The following ECE2 variants were observed in gnomAD, a reference collection of about 807,000 sequenced individuals.
ECE2 encodes endothelin-converting enzyme 2.
In ECE2, 81 loss-of-function variants were observed where a neutral mutation model predicts 100.6. The observed-to-expected ratio is 0.81, with a 90% CI of 0.67 to 0.97. ECE2 has a LOEUF of 0.97. Ranked by LOEUF, ECE2 falls within the 50% of genes least tolerant of loss-of-function variation. The pLI, the probability that ECE2 is intolerant of heterozygous loss-of-function variation, is 0.00. For missense variants in ECE2, 911 were observed against 988.1 expected (o/e 0.92, Z 1.05); for synonymous variants, 391 against 391.5 (o/e 1.00, Z 0.02).
At chr3:184,287,401 T>C (rs1721104308) in intron 10 of ECE2, among the ~76,000 whole-genome samples, 1 of 150,514 alleles carries the variant, frequency 6.6e-6, no homozygotes, top group African/African-American at 2.4e-5. Context: ...GGATATAAAA[T>C]TAGTTGTGGG....
At position 184,289,358 on chromosome 3, in the gene ECE2, A is replaced by G; in HGVS notation, c.1375-79A>G. 1 of 1,330,118 alleles carries G rather than the reference A, an allele frequency of 7.5e-7. No individual in the cohort carries two copies. The highest frequency in any genetic ancestry group is 1.5e-5 in the African/African-American group (1 of 68,666). 82.4% of individuals were successfully genotyped at this position (1,330,118 alleles called of 1,614,324 possible). On this transcript the variant is annotated intron_variant, in intron 11 of 18. Coordinates refer to ENST00000404464, the MANE Select transcript of ECE2 (RefSeq NM_001100121.2). The surrounding 1 kb of genome is among the most constrained non-coding windows in gnomAD (Gnocchi z 4.1). Reference sequence around the variant, plus strand: ...TCCCATTTCCCCTGGGTGGACAGGGATGGGGCACCAAGGGTGGATGGGTGG... The same window carrying G: ...TCCCATTTCCCCTGGGTGGACAGGGGTGGGGCACCAAGGGTGGATGGGTGG...
At chr3:184,285,671 T>A (rs1357583841) in intron 10 of ECE2, 79 bp downstream of exon 10, 6 of 1,045,290 alleles carry the variant, frequency 5.7e-6, no homozygotes, top group African/African-American at 1.6e-5. Flanking sequence ...AGGCACCATG[T>A]GCCTCATGGT....
Position 184,278,181 on chromosome 3 carries a change from C to T in ECE2, c.618C>T (p.Asn206=). The stretch of plus-strand genomic sequence containing the variant: ...TCTCTACATAGATTGGTGGTTGGAA[C>T]ATTACGGGGCCCTGGGACCAGGACA... ...RDLIEKIGGW[N]ITGPWDQDNF... Residue 206 remains asparagine (N), a synonymous_variant, in exon 6 of 19, where the codon AAC becomes AAT. Coordinates refer to ENST00000404464, the MANE Select transcript of ECE2 (RefSeq NM_001100121.2). The T allele has an allele frequency of 6.2e-7, 1 of 1,614,136 alleles. No individual in the cohort carries two copies. Among genetic ancestry groups the T allele is most frequent in the Non-Finnish European group, 8.5e-7 (1 of 1,180,014 alleles).
In ECE2 at chr3:184,278,220, G is replaced by A. The variant is rs1577134416; in HGVS notation, c.657G>A (p.Val219=). ...GPWDQDNFME[V]LKAVAGTYRA... Reference sequence around the variant, plus strand: ...GGGACCAGGACAACTTTATGGAGGTGTTGAAGGCAGTAGCAGGGACCTACA... The same window carrying A: ...GGGACCAGGACAACTTTATGGAGGTATTGAAGGCAGTAGCAGGGACCTACA... The change falls in exon 6 of 19, where the codon GTG becomes GTA. Residue 219 remains valine, a synonymous_variant. Coordinates refer to ENST00000404464, the MANE Select transcript of ECE2 (RefSeq NM_001100121.2). 2.5e-6 allele frequency: 4 copies of A among 1,614,184 alleles called. No homozygotes were observed. In the Admixed American group the frequency reaches 6.7e-5, roughly 27 times the overall value.
chr3:184,281,344 C>A (rs1377115454), intron 7 of ECE2, among the ~76,000 whole-genome samples: 2 of 152,200 alleles, frequency 1.3e-5, no homozygotes. Flanking sequence ...TGACCAGGAA[C>A]CTGCCTAGTT....
rs1464864740 is a variant in ECE2 at position 184,277,359 on chromosome 3, C to T, written c.371C>T (p.Ser124Phe). 6.2e-7 allele frequency: 1 copy of T among 1,614,244 alleles called. No individual in the cohort carries two copies. The highest frequency in any genetic ancestry group is 2.2e-5 in the East Asian group (1 of 44,878). ...CCCTGTGAGGACTTTTACCAGTTCT[C>T]CTGTGGGGGCTGGATTCGGAGGAAC... ...VSPCEDFYQF[S>F]CGGWIRRNPL... Residue 124 changes from serine (S) to phenylalanine (F), a missense_variant, in exon 4 of 19, where the codon TCC becomes TTC. Coordinates refer to ENST00000404464, the MANE Select transcript of ECE2 (RefSeq NM_001100121.2).
At chr3:184,281,960 G>A (rs1311776674) in intron 7 of ECE2, among the ~76,000 whole-genome samples, 4 of 152,174 alleles carry the variant, frequency 2.6e-5, no homozygotes, top group African/African-American at 4.8e-5. Flanking sequence ...TTAGCCATGC[G>A]TGGTGGCCCG....
chr3:184,284,983 C>G lies in ECE2; in HGVS notation c.1026C>G (p.Asp342Glu). The G allele has an allele frequency of 6.2e-7, 1 of 1,614,068 alleles. No individual in the cohort carries two copies. The stretch of plus-strand genomic sequence containing the variant: ...TTCAGGCTCTGGCGCCCTCCATGGA[C>G]TGGCTTGAGTTCCTGTCTTTCTTGC... ...SELQALAPSM[D>E]WLEFLSFLLS... The change falls in exon 9 of 19, where the codon GAC (aspartate) becomes GAG (glutamate). Residue 342 changes from aspartate (D) to glutamate (E), a missense_variant. Asp to Glu is a conservative substitution (Grantham distance 45, BLOSUM62 2). Transcript: ENST00000404464.
At position 184,291,623 on chromosome 3, in the gene ECE2, G is replaced by T; in HGVS notation, c.2121+184G>T. ...CGGCCAGCCAGGGCCCACAAAGGCA[G>T]CCTGAAGAGGCCTGAGCGGGAGAAT... On this transcript the variant is annotated intron_variant, in intron 18 of 18. Transcript: ENST00000404464. This position sits in a 1 kb window ranked among gnomAD's most constrained non-coding sequence, Gnocchi z 4.1. The T allele has an allele frequency of 1.8e-6, 1 of 570,192 alleles. No individual in the cohort carries two copies. The allele number at this position is 570,192 out of a possible 1,614,324, so 35.3% of individuals were successfully genotyped here. A position where few individuals can be genotyped will look rare whatever the true frequency, so the allele number is the denominator to read the frequency against.
chr3:184,277,536 A>G (rs1720621084), intron 4 of ECE2, 70 bp downstream of exon 4: 27 of 1,514,740 alleles, frequency 1.8e-5, no homozygotes, highest in Non-Finnish European at 2.4e-5. Context: ...CCTGGCACTT[A>G]GCAAATAGGC....
At chr3:184,277,514 C>T in intron 4 of ECE2, 48 bp downstream of exon 4, 7 of 1,592,958 alleles carry the variant, frequency 4.4e-6, no homozygotes, top group Non-Finnish European at 6.0e-6. Flanking sequence ...GTGCCTTGTG[C>T]CCAGCACAGG....
At chr3:184,283,633 T>G in intron 7 of ECE2, 152 bp from the exon 8 acceptor site, 1 of 546,118 alleles carries the variant, frequency 1.8e-6, no homozygotes, top group Non-Finnish European at 3.1e-6. Flanking sequence ...CCAATGGAGG[T>G]AAGCAGTGTG....
Position 184,289,537 on chromosome 3 carries a change from T to C in ECE2, c.1473+2T>C. On this transcript the variant is annotated splice_donor_variant, in intron 12 of 18. Coordinates refer to ENST00000404464, the MANE Select transcript of ECE2 (RefSeq NM_001100121.2). LOFTEE classifies it high-confidence loss of function. This position sits in a 1 kb window ranked among gnomAD's most constrained non-coding sequence, Gnocchi z 4.1. ...ACCCGCCAGGCAGCCAAGGAGAAAG[T>C]GAGCGGTGGCTAGGGTTGGGGCGCC... The C allele has an allele frequency of 1.2e-6, 2 of 1,613,386 alleles. No individual in the cohort carries two copies. Among genetic ancestry groups the C allele is most frequent in the Non-Finnish European group, 1.7e-6 (2 of 1,179,676 alleles).
chr3:184,276,320 G>A (rs1720545979), intron 1 of ECE2, 128 bp downstream of exon 1: 1 of 1,373,110 alleles, frequency 7.3e-7, no homozygotes, highest in Non-Finnish European at 9.8e-7. Context: ...CCTGGTGGAG[G>A]GGTGATAGAG....
intron 8 of ECE2, among the ~76,000 whole-genome samples, chr3:184,284,662 G>A (rs1720956454): frequency 6.6e-6 from 1 of 152,170 alleles, no homozygotes; most frequent in South Asian, 2.1e-4. Context: ...TGGTTCTGGA[G>A]GAGAAGCCAG....
rs1193114802 is a variant in ECE2 at position 184,292,966 on chromosome 3, AG to A, written c.*731del. On this transcript the variant is annotated 3_prime_UTR_variant, in exon 19 of 19. Coordinates refer to ENST00000404464, the MANE Select transcript of ECE2 (RefSeq NM_001100121.2). ...AACAGAGTTTATTTTTACAGAAAAG[AG>A]GGTGGGAGGGTGTGGTCTTGGCCCT... 1 of 152,304 alleles carries A rather than the reference AG, an allele frequency of 6.6e-6. No homozygotes were observed. Among genetic ancestry groups the A allele is most frequent in the Non-Finnish European group, 1.5e-5 (1 of 68,136 alleles). The allele number at this position is 152,304 out of a possible 1,614,324, so 9.4% of individuals were successfully genotyped here.
intron 7 of ECE2, among the ~76,000 whole-genome samples, chr3:184,283,368 C>G (rs893417584): frequency 2.0e-5 from 3 of 151,690 alleles, no homozygotes; most frequent in Non-Finnish European, 4.4e-5. Context: ...CGAGACCAGC[C>G]TGGCTAACAT....
intron 7 of ECE2, among the ~76,000 whole-genome samples, chr3:184,281,836 C>T (rs1027140321): frequency 2.0e-5 from 3 of 152,200 alleles, no homozygotes; most frequent in Admixed American, 6.5e-5. Flanking sequence ...CAGTGGCTCA[C>T]GCCTGTGGCC....
chr3:184,276,658 A>T, intron 2 of ECE2, 91 bp downstream of exon 2: 1 of 1,567,302 alleles, frequency 6.4e-7, no homozygotes, highest in Non-Finnish European at 8.6e-7. Context: ...CTGGAGGGTC[A>T]CCTGCCCCCA....
Sources: allele counts gnomAD v4.1 joint callset (sites outside exome capture counted in the v4.1 genomes callset), GRCh38; gene constraint gnomAD v4.1.1; non-coding constraint Gnocchi (gnomAD v3.1); transcripts MANE v1.5; gene names NCBI Gene and HGNC (gene_info 2026-07-23, HGNC 2026-07-21).